The following SERPINB7 variants were observed in gnomAD, a reference collection of about 807,000 sequenced individuals.
The protein encoded by SERPINB7 is serpin family B member 7, also known as serpin B7.
A neutral mutation model predicts 37.4 loss-of-function variants in SERPINB7; 31 were observed. The observed-to-expected ratio is 0.83, with a 90% CI of 0.62 to 1.12. The LOEUF is 1.12. SERPINB7 is among the 50% of genes most tolerant of loss of function. The pLI, the probability that SERPINB7 is intolerant of heterozygous loss-of-function variation, is 0.00. For synonymous variants in SERPINB7, 163 were observed against 166.1 expected (o/e 0.98, Z 0.14); for missense variants, 521 against 455.3 (o/e 1.14, Z -1.31).
intron 4 of SERPINB7, among the ~76,000 whole-genome samples, chr18:63,795,679 C>T (rs1045130019): frequency 5.9e-5 from 9 of 151,752 alleles, no homozygotes; most frequent in African/African-American, 1.9e-4. Flanking sequence ...ATGGGTAAGA[C>T]ATAATCATGA....
chr18:63,797,687 C>T (rs2049502688), intron 5 of SERPINB7, among the ~76,000 whole-genome samples: 1 of 152,184 alleles, frequency 6.6e-6, no homozygotes, highest in Non-Finnish European at 1.5e-5. Flanking sequence ...ATATCAGAGC[C>T]ATCCTTTTGA....
chr18:63,763,259 T>G (rs1029450382), intron 1 of SERPINB7, among the ~76,000 whole-genome samples: 1 of 152,236 alleles, frequency 6.6e-6, no homozygotes, highest in Non-Finnish European at 1.5e-5. Flanking sequence ...TCAACTTTCC[T>G]GCTACTATTT....
chr18:63,783,507 T>C (rs2049335074), intron 2 of SERPINB7, among the ~76,000 whole-genome samples: 1 of 152,142 alleles, frequency 6.6e-6, no homozygotes, highest in Non-Finnish European at 1.5e-5. Context: ...AACATCATAG[T>C]ACATTCCAGA....
At chr18:63,786,656 A>G (rs992812828) in intron 2 of SERPINB7, among the ~76,000 whole-genome samples, 5 of 152,056 alleles carry the variant, frequency 3.3e-5, no homozygotes, top group African/African-American at 4.8e-5. Context: ...ATGTCCTGAA[A>G]TTTCTTAGAC....
chr18:63,795,373 C>T (rs1425046987), intron 4 of SERPINB7, among the ~76,000 whole-genome samples: 2 of 151,930 alleles, frequency 1.3e-5, no homozygotes, highest in African/African-American at 4.8e-5. Context: ...CCAGCCTGAC[C>T]AACATGGTGA....
At chr18:63,782,260 T>C in intron 1 of SERPINB7, 95 bp from the exon 2 acceptor site, 2 of 829,768 alleles carry the variant, frequency 2.4e-6, no homozygotes, top group Non-Finnish European at 3.3e-6. Flanking sequence ...TGAAAAAAAA[T>C]GAAGCTTTAA....
At chr18:63,772,051 A>C (rs967991455), upstream of SERPINB7, among the ~76,000 whole-genome samples, 52 of 151,944 alleles carry the variant, frequency 3.4e-4, 1 homozygote, top group African/African-American at 1.2e-3. Context: ...CGTTGTATAG[A>C]GATTATTTCC....
Position 63,793,229 on chromosome 18 carries a change from C to G in SERPINB7, c.288C>G (p.Leu96=), listed in dbSNP as rs199928267. Residue 96 remains leucine, a synonymous_variant, in exon 4 of 8, where the codon CTC becomes CTG. Transcript: ENST00000398019. ...ATGCATCCCACAAGGATTATGATCT[C>G]AGCATTGTGAATGGGCTTTTTGCTG... ...DINASHKDYD[L]SIVNGLFAEK... is the part of the protein sequence containing the mutation. The G allele has an allele frequency of 1.9e-6, 3 of 1,609,394 alleles. No homozygotes were observed. In the East Asian group the frequency reaches 6.7e-5, roughly 36 times the overall value.
chr18:63,761,476 C>A (rs1244677802), intron 1 of SERPINB7, among the ~76,000 whole-genome samples: 1 of 152,146 alleles, frequency 6.6e-6, no homozygotes, highest in African/African-American at 2.4e-5. Context: ...CTTTGGGGGA[C>A]TGTTGGGAAG....
At chr18:63,782,040 A>G (rs1236003650) in intron 1 of SERPINB7, among the ~76,000 whole-genome samples, 1 of 152,162 alleles carries the variant, frequency 6.6e-6, no homozygotes, top group African/African-American at 2.4e-5. Flanking sequence ...CTTTTGCTCT[A>G]TTTCAGTTCA....
At chr18:63,783,230 GAGAGAAAGAAAGAAAGAAAGAA>G (rs1196894125) in intron 2 of SERPINB7, among the ~76,000 whole-genome samples, 13 of 61,948 alleles carry the variant, frequency 2.1e-4, no homozygotes, top group Non-Finnish European at 4.8e-4. Flanking sequence ...GAGAGAGAGA[GAGAGAAAGAAAGAAAGAAAGAA>G]AGAAAGAAAG....
chr18:63,761,683 A>G (rs575844288), intron 1 of SERPINB7, among the ~76,000 whole-genome samples: 2 of 152,306 alleles, frequency 1.3e-5, no homozygotes, highest in African/African-American at 4.8e-5. Context: ...GTGATAGTGA[A>G]TAAGTCTCAC....
At chr18:63,802,857 G>A (rs920940323) in intron 7 of SERPINB7, among the ~76,000 whole-genome samples, 7 of 152,134 alleles carry the variant, frequency 4.6e-5, no homozygotes, top group East Asian at 1.9e-4. Flanking sequence ...CTTTCATTAC[G>A]TTTTCATCTT....
In SERPINB7 at chr18:63,804,803, T is replaced by G; in HGVS notation, c.*168T>G. ...ACTTGACCCTTCCTAGACACCTGGT[T>G]GATTGTCCTGATCCCTGCTCTTAGC... On this transcript the variant is annotated 3_prime_UTR_variant, in exon 8 of 8. Transcript: ENST00000398019. The G allele has an allele frequency of 1.6e-6, 1 of 628,140 alleles. No individual in the cohort carries two copies. Among genetic ancestry groups the G allele is most frequent in the Admixed American group, 3.0e-5 (1 of 32,858 alleles). 38.9% of individuals were successfully genotyped at this position (628,140 alleles called of 1,614,324 possible).
intron 1 of SERPINB7, among the ~76,000 whole-genome samples, chr18:63,780,391 G>A (rs181341206): frequency 5.3e-5 from 8 of 152,144 alleles, no homozygotes; most frequent in Admixed American, 5.2e-4. Context: ...ATTTTAGAAG[G>A]AATACTTATC....
intron 2 of SERPINB7, among the ~76,000 whole-genome samples, chr18:63,786,210 GTA>G (rs143561199): frequency 0.17 from 10,716 of 63,998 alleles, 1,066 homozygotes; most frequent in Middle Eastern, 0.23. Flanking sequence ...GCACATACGT[GTA>G]TATATATATA....
intron 2 of SERPINB7, among the ~76,000 whole-genome samples, chr18:63,788,981 C>T (rs1029386066): frequency 3.3e-5 from 5 of 152,008 alleles, no homozygotes; most frequent in African/African-American, 7.2e-5. Flanking sequence ...AGAAAGAATC[C>T]GTGTAGTTAA....
chr18:63,783,186 A>C (rs866261313), intron 2 of SERPINB7, among the ~76,000 whole-genome samples: 1 of 75,226 alleles, frequency 1.3e-5, no homozygotes, highest in South Asian at 4.9e-4. Flanking sequence ...GAAAGAAAGA[A>C]AGAGAGAGAG....
At chr18:63,766,214 G>C (rs2049179891) in intron 1 of SERPINB7, among the ~76,000 whole-genome samples, 1 of 152,148 alleles carries the variant, frequency 6.6e-6, no homozygotes, top group Non-Finnish European at 1.5e-5. Flanking sequence ...CAAGGGAGGA[G>C]GGAATTCTTT....
Sources: allele counts gnomAD v4.1 joint callset (sites outside exome capture counted in the v4.1 genomes callset), GRCh38; gene constraint gnomAD v4.1.1; transcripts MANE v1.5; gene names NCBI Gene and HGNC (gene_info 2026-07-23, HGNC 2026-07-21).